The following WNT7B variants were observed in gnomAD, a reference collection of about 807,000 sequenced individuals.
The protein encoded by WNT7B is protein Wnt-7b.
Under a neutral mutation model 38.2 loss-of-function variants are expected in WNT7B, and 19 were observed. That is an observed-to-expected ratio of 0.50 (90% CI 0.35 to 0.73). The LOEUF (loss-of-function observed/expected upper bound fraction) is 0.73. WNT7B is among the 30% of genes least tolerant of loss of function. The probability of loss-of-function intolerance (pLI) is 0.01; values close to 1 mark genes in which losing one functional copy is unlikely to be tolerated. For synonymous variants in WNT7B, 243 were observed against 209.3 expected, an observed-to-expected ratio of 1.16 and a Z score of -1.39; for missense variants, 423 against 507.9, an observed-to-expected ratio of 0.83 and a Z score of 1.61.
chr22:45,947,528 C>T (rs1205055587), intron 2 of WNT7B, among the ~76,000 whole-genome samples: 2 of 152,080 alleles, frequency 1.3e-5, no homozygotes, highest in East Asian at 3.9e-4. Flanking sequence ...TCGCATGGGT[C>T]GCAGGGAATG....
At chr22:45,972,105 G>C (rs1020145249) in intron 1 of WNT7B, 1 of 589,602 alleles carries the variant, frequency 1.7e-6, no homozygotes, top group African/African-American at 2.0e-5. Context: ...AGCGCTGGAG[G>C]CCCGGGGGGA....
At chr22:45,970,180 G>A (rs976042291) in intron 1 of WNT7B, among the ~76,000 whole-genome samples, 1 of 152,216 alleles carries the variant, frequency 6.6e-6, no homozygotes, top group Non-Finnish European at 1.5e-5. Flanking sequence ...TGGCGTCAGC[G>A]TCTTCCTCCC....
rs1303796520 is a variant in WNT7B, at chr22:45,965,309, C to T, written c.71+11375G>A. ...TGGCTTAGAGCTCCTGCTGTGGGTCCCACAGGGCTTTGTGTCAACGACGCT... is the reference window on the plus strand; with the variant it reads ...TGGCTTAGAGCTCCTGCTGTGGGTCTCACAGGGCTTTGTGTCAACGACGCT... On this transcript the variant is annotated intron_variant, in intron 1 of 3. Coordinates refer to ENST00000339464, the MANE Select transcript of WNT7B (RefSeq NM_058238.3). The surrounding 1 kb of genome is among the most constrained non-coding windows in gnomAD (Gnocchi z 6.5). Among the ~76,000 whole-genome samples the T allele has an allele frequency of 6.6e-6, 1 of 152,194 alleles. No individual in the cohort carries two copies. The highest frequency in any genetic ancestry group is 6.5e-5 in the Admixed American group (1 of 15,280).
chr22:45,964,175 G>A (rs1238865451), intron 1 of WNT7B, among the ~76,000 whole-genome samples: 1 of 152,042 alleles, frequency 6.6e-6, no homozygotes, highest in African/African-American at 2.4e-5. Context: ...TGGAGTGACT[G>A]CAGCCCGGAG....
intron 1 of WNT7B, among the ~76,000 whole-genome samples, chr22:45,974,004 G>C (rs969288021): frequency 4.6e-5 from 7 of 152,160 alleles, no homozygotes; most frequent in African/African-American, 1.7e-4. Flanking sequence ...GAAAATCCCA[G>C]CTCCTGGGAT....
intron 3 of WNT7B, among the ~76,000 whole-genome samples, chr22:45,929,923 C>T (rs1471531953): frequency 9.8e-5 from 10 of 102,564 alleles, no homozygotes; most frequent in African/African-American, 1.6e-4. Flanking sequence ...CATCTATCCT[C>T]CCATCCACCC....
chr22:45,926,177 G>A (rs1457170060), intron 3 of WNT7B: 1 of 985,324 alleles, frequency 1.0e-6, no homozygotes, highest in African/African-American at 1.7e-5. Flanking sequence ...CCCAGGAAGT[G>A]ATCACAGGGT....
chr22:45,947,350 T>C (rs1424485042), intron 2 of WNT7B, among the ~76,000 whole-genome samples: 6 of 152,190 alleles, frequency 3.9e-5, no homozygotes, highest in Non-Finnish European at 8.8e-5. Flanking sequence ...CAGGAGGCAG[T>C]GACAGCTGCC....
chr22:45,962,946 G>A (rs775399892), intron 1 of WNT7B, among the ~76,000 whole-genome samples: 20 of 152,240 alleles, frequency 1.3e-4, no homozygotes, highest in Non-Finnish European at 2.5e-4. Flanking sequence ...GACACTCTGC[G>A]GCTGGGCCAG....
At chr22:45,963,108 C>A (rs1339592326) in intron 1 of WNT7B, among the ~76,000 whole-genome samples, 1 of 152,204 alleles carries the variant, frequency 6.6e-6, no homozygotes, top group Non-Finnish European at 1.5e-5. Flanking sequence ...CTTCCAGGAA[C>A]AGATGGGAGC....
chr22:45,930,455 G>C (rs1354766669), intron 3 of WNT7B, among the ~76,000 whole-genome samples: 1 of 152,232 alleles, frequency 6.6e-6, no homozygotes, highest in African/African-American at 2.4e-5. Context: ...TCTTGCCGCC[G>C]TGCAGCTGCT....
chr22:45,931,057 G>A (rs568658219), intron 3 of WNT7B, 41 bp downstream of exon 3: 406 of 1,526,374 alleles, frequency 2.7e-4, no homozygotes, highest in South Asian at 5.9e-4. Context: ...GTGATACAGC[G>A]GTCCCAGCTA....
intron 2 of WNT7B, among the ~76,000 whole-genome samples, chr22:45,946,311 G>A (rs1931794257): frequency 6.6e-6 from 1 of 152,148 alleles, no homozygotes; most frequent in Non-Finnish European, 1.5e-5. Flanking sequence ...CCTTCCCTGC[G>A]CTCACCTCCA....
intron 1 of WNT7B, among the ~76,000 whole-genome samples, chr22:45,962,083 C>T (rs1932210382): frequency 6.6e-6 from 1 of 151,588 alleles, no homozygotes; most frequent in African/African-American, 2.4e-5. Context: ...ACCCTCCCCA[C>T]ATAGCTGGCA....
chr22:45,954,437 T>A (rs1372458902), intron 1 of WNT7B, among the ~76,000 whole-genome samples: 2 of 152,200 alleles, frequency 1.3e-5, no homozygotes, highest in African/African-American at 2.4e-5. Context: ...ACCACGATTT[T>A]AAAAAACTCT....
intron 1 of WNT7B, among the ~76,000 whole-genome samples, chr22:45,959,517 T>G (rs1448579025): frequency 6.6e-6 from 1 of 152,122 alleles, no homozygotes; most frequent in Non-Finnish European, 1.5e-5. Flanking sequence ...GGCTGTGCTA[T>G]GACAAAGATG....
chr22:45,945,953 T>A (rs1569117977), intron 2 of WNT7B, among the ~76,000 whole-genome samples: 2 of 152,200 alleles, frequency 1.3e-5, no homozygotes, highest in Non-Finnish European at 2.9e-5. Context: ...GGCTAGCACA[T>A]GATGGGCAGG....
intron 2 of WNT7B, 127 bp from the exon 3 acceptor site, chr22:45,931,496 C>T: frequency 8.5e-7 from 1 of 1,176,228 alleles, no homozygotes; most frequent in Non-Finnish European, 1.2e-6. Context: ...TCATCGCTCG[C>T]CCCCTCTGTG....
chr22:45,938,681 G>A (rs189367996), intron 2 of WNT7B, among the ~76,000 whole-genome samples: 4 of 152,168 alleles, frequency 2.6e-5, no homozygotes, highest in Admixed American at 2.6e-4. Flanking sequence ...TGGAAGGAGT[G>A]AGGTGTAGTG....
Sources: allele counts gnomAD v4.1 joint callset (sites outside exome capture counted in the v4.1 genomes callset), GRCh38; gene constraint gnomAD v4.1.1; non-coding constraint Gnocchi (gnomAD v3.1); transcripts MANE v1.5; gene names NCBI Gene and HGNC (gene_info 2026-07-23, HGNC 2026-07-21).